The following WWTR1 variants were observed in gnomAD, a reference collection of about 807,000 sequenced individuals.
WWTR1 encodes WW domain containing transcription regulator 1, also known as WW domain-containing transcription regulator protein 1.
A neutral mutation model predicts 40.1 loss-of-function variants in WWTR1; 13 were observed. The ratio of observed to expected loss-of-function variants is 0.32; its 90% CI spans 0.21 to 0.52. The LOEUF is 0.52. Among genes scored for constraint, WWTR1 ranks in the 20% least tolerant of loss-of-function variants. The pLI, the probability that WWTR1 is intolerant of heterozygous loss-of-function variation, is 0.97. For missense variants in WWTR1, 436 were observed against 523.1 expected, an observed-to-expected ratio of 0.83 and a Z score of 1.63; for synonymous variants, 230 against 210.1, an observed-to-expected ratio of 1.09 and a Z score of -0.82.
intron 3 of WWTR1, among the ~76,000 whole-genome samples, chr3:149,565,177 A>G (rs1737253351): frequency 6.6e-6 from 1 of 152,130 alleles, no homozygotes; most frequent in Admixed American, 6.5e-5. Flanking sequence ...ACGGACCAAG[A>G]TTGCATCTCA....
chr3:149,590,816 C>T (rs62269354), intron 2 of WWTR1, among the ~76,000 whole-genome samples: 9,308 of 152,142 alleles, frequency 0.061, 378 homozygotes, highest in Middle Eastern at 0.11. Context: ...ATAACTTGGG[C>T]CATTAGGAAG....
chr3:149,692,778 T>A (rs746836384), intron 1 of WWTR1, among the ~76,000 whole-genome samples: 5 of 152,102 alleles, frequency 3.3e-5, no homozygotes, highest in Non-Finnish European at 2.9e-5. Context: ...GGATTACAGG[T>A]GCCGGCCACT....
chr3:149,579,696 C>T (rs1738052891), intron 2 of WWTR1, among the ~76,000 whole-genome samples: 1 of 152,012 alleles, frequency 6.6e-6, no homozygotes, highest in South Asian at 2.1e-4. Context: ...ATTTACAATC[C>T]CCATTTAAGT....
At chr3:149,645,394 A>G (rs957430655) in intron 2 of WWTR1, among the ~76,000 whole-genome samples, 1 of 151,112 alleles carries the variant, frequency 6.6e-6, no homozygotes, top group South Asian at 2.1e-4. Flanking sequence ...CTGCTCTTAA[A>G]CTCCTGACCT....
Position 149,668,609 on chromosome 3 carries a change from A to AAAAAAAAAAAAAAC in WWTR1, c.-4+1178_-4+1179insGTTTTTTTTTTTTT, listed in dbSNP as rs1457621342. 4.9e-4 allele frequency among the ~76,000 whole-genome samples: 73 copies of AAAAAAAAAAAAAAC among 149,200 alleles called. 2 individuals carry two copies. The highest frequency in any genetic ancestry group is 8.5e-4 in the Non-Finnish European group (57 of 67,410). ...GGCAACAGAGCAAGATTGTGTCTCA[A>AAAAAAAAAAAAAAC]AAAAAACAACAAAAAACTGAGTCTT... On this transcript the variant is annotated intron_variant, in intron 2 of 7. Coordinates refer to the WWTR1 transcript ENST00000465804.
intron 2 of WWTR1, among the ~76,000 whole-genome samples, chr3:149,655,886 T>C (rs182466050): frequency 6.6e-6 from 1 of 152,302 alleles, no homozygotes; most frequent in Admixed American, 6.5e-5. Flanking sequence ...ACTAAAGAAA[T>C]ATGGGCTTTA....
intron 2 of WWTR1, among the ~76,000 whole-genome samples, chr3:149,651,610 A>T (rs1025712306): frequency 6.6e-6 from 1 of 152,224 alleles, no homozygotes; most frequent in African/African-American, 2.4e-5. Flanking sequence ...TCATGGTCCA[A>T]ATATGAAAAA....
At chr3:149,582,453 C>T (rs1738195655) in intron 2 of WWTR1, among the ~76,000 whole-genome samples, 1 of 151,790 alleles carries the variant, frequency 6.6e-6, no homozygotes, top group South Asian at 2.1e-4. Flanking sequence ...AGTCCAGACA[C>T]AGTGGCTCAC....
chr3:149,704,865 C>CA (rs1390619290), upstream of WWTR1, among the ~76,000 whole-genome samples: 2 of 147,056 alleles, frequency 1.4e-5, no homozygotes, highest in African/African-American at 5.0e-5. Context: ...AAAAAAACAA[C>CA]AACAACAAAC....
chr3:149,682,365 T>A (rs576254307), intron 1 of WWTR1, among the ~76,000 whole-genome samples: 1 of 152,348 alleles, frequency 6.6e-6, no homozygotes. Flanking sequence ...AGTGAATGTA[T>A]TAAATTGATA....
chr3:149,665,775 T>C (rs1412783165), intron 2 of WWTR1, among the ~76,000 whole-genome samples: 1 of 152,184 alleles, frequency 6.6e-6, no homozygotes, highest in Non-Finnish European at 1.5e-5. Flanking sequence ...TATTAAAAAC[T>C]ATGTAGAAAT....
At chr3:149,695,266 A>G (rs1714947478) in intron 1 of WWTR1, among the ~76,000 whole-genome samples, 1 of 152,200 alleles carries the variant, frequency 6.6e-6, no homozygotes, top group East Asian at 1.9e-4. Context: ...GGGTGACTAC[A>G]GCCAACAATA....
At chr3:149,713,356 TTTA>T (rs567646010) in intron 5 of WWTR1, among the ~76,000 whole-genome samples, 253 of 152,054 alleles carry the variant, frequency 1.7e-3, no homozygotes, top group South Asian at 6.9e-3. Context: ...GAATTTTTAT[TTTA>T]TTTTATTAAT....
chr3:149,583,818 G>T (rs13098021), intron 2 of WWTR1, among the ~76,000 whole-genome samples: 1 of 151,870 alleles, frequency 6.6e-6, no homozygotes, highest in Non-Finnish European at 1.5e-5. Flanking sequence ...GCAGGGAGAA[G>T]GTGGCAGTGA....
chr3:149,618,939 G>A (rs901983260), intron 2 of WWTR1, among the ~76,000 whole-genome samples: 1 of 152,044 alleles, frequency 6.6e-6, no homozygotes, highest in Non-Finnish European at 1.5e-5. Context: ...ACCCATTGAC[G>A]TCTGTGAGAT....
chr3:149,691,217 G>A (rs907241836), intron 1 of WWTR1, among the ~76,000 whole-genome samples: 1 of 151,598 alleles, frequency 6.6e-6, no homozygotes, highest in Admixed American at 6.6e-5. Flanking sequence ...CAAGAAAGAG[G>A]AAAAACTTCA....
chr3:149,574,072 C>G (rs1737770120), intron 2 of WWTR1, among the ~76,000 whole-genome samples: 1 of 151,954 alleles, frequency 6.6e-6, no homozygotes, highest in Admixed American at 6.6e-5. Context: ...GCTCTGTTAC[C>G]CAGGCTGGAG....
intron 4 of WWTR1, chr3:149,540,883 C>A: frequency 3.0e-6 from 1 of 328,122 alleles, no homozygotes; most frequent in Non-Finnish European, 6.0e-6. Flanking sequence ...ATTTACCATG[C>A]ATTTTAAACC....
intron 2 of WWTR1, among the ~76,000 whole-genome samples, chr3:149,667,280 C>T (rs1017157728): frequency 2.6e-5 from 4 of 151,606 alleles, no homozygotes; most frequent in Non-Finnish European, 5.9e-5. Context: ...GGCGCAGTGG[C>T]TCACGCCTGT....
Sources: gnomAD v4.1 joint callset for allele counts (sites outside exome capture counted in the v4.1 genomes callset) on GRCh38, gnomAD v4.1.1 for gene constraint, MANE v1.5 for transcripts, NCBI Gene and HGNC (gene_info 2026-07-23, HGNC 2026-07-21) for gene names.